The following APOA2 variants were observed in gnomAD, a reference collection of about 807,000 sequenced individuals.
APOA2 encodes the protein apolipoprotein A-II.
Under a neutral mutation model 7.4 loss-of-function variants are expected in APOA2, and 3 were observed. That is an observed-to-expected ratio of 0.41 (90% CI 0.18 to 1.05). The LOEUF (loss-of-function observed/expected upper bound fraction) is 1.05, where lower values mean the gene tolerates loss of function less well. APOA2 is among the 50% of genes least tolerant of loss of function. APOA2 has a pLI of 0.33. For missense variants in APOA2, 90 were observed against 116.3 expected (o/e 0.77, Z 1.04); for synonymous variants, 42 against 47.8 (o/e 0.88, Z 0.50).
intron 3 of APOA2, among the ~76,000 whole-genome samples, 197 bp downstream of exon 3, chr1:161,222,721 C>G (rs5085): frequency 0.16 from 24,999 of 152,150 alleles, 2,264 homozygotes; most frequent in East Asian, 0.3. Flanking sequence ...GACTGAAATT[C>G]AAGGCCCAGT....
Position 161,223,065 on chromosome 1 carries a change from ACACACACACAC to A in APOA2, c.53-26_53-16del. ...AACCAAAGCTCCTGCCCACACACAC[ACACACACACAC>A]ACACACACACACACACACTCTTTTC... On this transcript the variant is annotated splice_polypyrimidine_tract_variant and intron_variant, in intron 2 of 3. Transcript: ENST00000367990. 1.7e-6 allele frequency: 1 copy of A among 592,422 alleles called. No individual in the cohort carries two copies. Among genetic ancestry groups the A allele is most frequent in the Non-Finnish European group, 2.3e-6 (1 of 426,292 alleles). 36.7% of individuals were successfully genotyped at this position (592,422 alleles called of 1,614,324 possible).
chr1:161,223,198 A>T (rs1249211533), intron 2 of APOA2, 148 bp from the exon 3 acceptor site: 3 of 1,558,474 alleles, frequency 1.9e-6, no homozygotes, highest in Non-Finnish European at 2.6e-6. Flanking sequence ...ATCCAGCCAG[A>T]TCTTTGGATG....
rs146224429 is a variant in APOA2 at position 161,222,925 on chromosome 1, C to A, written c.178G>T (p.Glu60Ter). Residue 60 changes from glutamate (E) to a stop codon, truncating the protein, a stop_gained, in exon 3 of 4, where the codon GAG becomes TAG. Transcript: ENST00000367990. LOFTEE classifies it low-confidence loss of function (END_TRUNC). The stretch of plus-strand genomic sequence containing the variant: ...CCTTGCCCTGAGACTTACTTGGCCT[C>A]GGCCTGAAGCTCTGGGCTCTTGACC... The part of the protein sequence containing the change: ...EKVKSPELQA[E>*]AKSYFEKSKE... The A allele has an allele frequency of 6.2e-7, 1 of 1,614,086 alleles. No homozygotes were observed. Among genetic ancestry groups the A allele is most frequent in the South Asian group, 1.1e-5 (1 of 91,090 alleles).
Position 161,222,827 on chromosome 1 carries a change from C to T in APOA2, c.185+91G>A, listed in dbSNP as rs968739397. The T allele has an allele frequency of 5.0e-6, 8 of 1,597,666 alleles. No individual in the cohort carries two copies. The African/African-American group carries it at 5.4e-5, about 11-fold the overall frequency. On this transcript the variant is annotated intron_variant, in intron 3 of 3. Transcript: ENST00000367990. ...TAAGCCTAATCTGCCCTAATCCCCACCCCTGGGTTCAGACTTCTGTGGGAC... is the reference window on the plus strand; with the variant it reads ...TAAGCCTAATCTGCCCTAATCCCCATCCCTGGGTTCAGACTTCTGTGGGAC...
chr1:161,223,093 ACT>A (rs57498167), intron 2 of APOA2, 43 bp from the exon 3 acceptor site: 3 of 1,379,058 alleles, frequency 2.2e-6, no homozygotes, highest in African/African-American at 3.2e-5. Flanking sequence ...ACACACACAC[ACT>A]CTTTTCAGCT....
At position 161,222,531 on chromosome 1, in the gene APOA2, G is replaced by C. The variant is rs775553389; in HGVS notation, c.186-9C>G. On this transcript the variant is annotated splice_polypyrimidine_tract_variant and intron_variant, in intron 3 of 3. Coordinates refer to ENST00000367990, the MANE Select transcript of APOA2 (RefSeq NM_001643.2). ...ACTTTTCAAAGTAAGACCTGGATAG[G>C]TGAGGGGATTAGAGTTTAATCTGAG... is the stretch of plus-strand genomic sequence containing the variant. 6.2e-7 allele frequency: 1 copy of C among 1,610,186 alleles called. No homozygotes were observed. Among genetic ancestry groups the C allele is most frequent in the South Asian group, 1.1e-5 (1 of 91,020 alleles).
At position 161,223,179 on chromosome 1, in the gene APOA2, C is replaced by T. The variant is rs189880241; in HGVS notation, c.53-129G>A. On this transcript the variant is annotated intron_variant, in intron 2 of 3. Transcript: ENST00000367990. ...CCACCCCAGCTCTCTGCCCCCTCCCCAAAAAGGTATCCAGCCAGATCTTTG... is the reference window on the plus strand; with the variant it reads ...CCACCCCAGCTCTCTGCCCCCTCCCTAAAAAGGTATCCAGCCAGATCTTTG... 1,594 of 1,564,642 alleles carry T rather than the reference C, an allele frequency of 1.0e-3. 9 individuals carry two copies. The highest frequency in any genetic ancestry group is 6.6e-4 in the Non-Finnish European group (767 of 1,153,456).
At chr1:161,223,253 T>G (rs1304752543) in intron 2 of APOA2, 97 bp downstream of exon 2, 1 of 1,573,968 alleles carries the variant, frequency 6.4e-7, no homozygotes, top group Admixed American at 1.8e-5. Flanking sequence ...TTTTGAGCCC[T>G]TTGGTTGCCA....
chr1:161,223,140 A>T, intron 2 of APOA2, 90 bp from the exon 3 acceptor site: 1 of 1,596,662 alleles, frequency 6.3e-7, no homozygotes, highest in South Asian at 1.1e-5. Context: ...CTCCTGCCAT[A>T]CCTCTGCCAG....
rs1666209011 is a variant in APOA2 at position 161,223,413 on chromosome 1, TG to T, written c.-13del. On this transcript the variant is annotated 5_prime_UTR_variant, in exon 2 of 4. Coordinates refer to ENST00000367990, the MANE Select transcript of APOA2 (RefSeq NM_001643.2). Reference sequence around the variant, plus strand: ...GCGAGCAGCTTCATGTTGGTAACAGTGGGGAGGGCGGCCTAGGAAGAGGGTG... The same window carrying T: ...GCGAGCAGCTTCATGTTGGTAACAGTGGGAGGGCGGCCTAGGAAGAGGGTG... 2.5e-6 allele frequency: 4 copies of T among 1,612,464 alleles called. No homozygotes were observed. The East Asian group carries it at 8.9e-5, about 36-fold the overall frequency.
Position 161,222,897 on chromosome 1 carries a change from AC to A in APOA2, c.185+20del. On this transcript the variant is annotated intron_variant, in intron 3 of 3. Transcript: ENST00000367990. ...CTCTCCACAGTTCCACAGCCCCTGA[AC>A]CCCTTGCCCTGAGACTTACTTGGCC... 1 of 1,611,780 alleles carries A rather than the reference AC, an allele frequency of 6.2e-7. No individual in the cohort carries two copies. The highest frequency in any genetic ancestry group is 8.5e-7 in the Non-Finnish European group (1 of 1,179,470).
rs764889371 is a variant in APOA2, at chr1:161,223,393, C to A, written c.9G>T (p.Leu3=). 1.9e-6 allele frequency: 3 copies of A among 1,613,692 alleles called. No individual in the cohort carries two copies. Among genetic ancestry groups the A allele is most frequent in the East Asian group, 4.5e-5 (2 of 44,880 alleles). MK[L]LAATVLLLTI... ...TGAGGAGTAGCACAGTTGCTGCGAG[C>A]AGCTTCATGTTGGTAACAGTGGGGA... The change falls in exon 2 of 4, where the codon CTG becomes CTT. Residue 3 remains leucine (L), a synonymous_variant. Coordinates refer to ENST00000367990, the MANE Select transcript of APOA2 (RefSeq NM_001643.2).
rs778751126 is a variant in APOA2, at chr1:161,222,460, A to T, written c.248T>A (p.Leu83Gln). Residue 83 changes from leucine (L) to glutamine (Q), a missense_variant, in exon 4 of 4, where the codon CTG becomes CAG. Coordinates refer to ENST00000367990, the MANE Select transcript of APOA2 (RefSeq NM_001643.2). ...TPLIKKAGTE[L>Q]VNFLSYFVEL... is the part of the protein sequence containing the mutation. ...CACGAAATAGCTCAAGAAGTTAACC[A>T]GTTCCGTTCCAGCCTTCTTGATCAG... 18 of 1,614,214 alleles carry T rather than the reference A, an allele frequency of 1.1e-5. No individual in the cohort carries two copies. Among genetic ancestry groups the T allele is most frequent in the Non-Finnish European group, 1.4e-5 (17 of 1,180,040 alleles).
intron 2 of APOA2, 150 bp from the exon 3 acceptor site, chr1:161,223,200 C>T: frequency 6.4e-7 from 1 of 1,557,028 alleles, no homozygotes; most frequent in Non-Finnish European, 8.7e-7. Flanking sequence ...CCAGCCAGAT[C>T]TTTGGATGGG....
chr1:161,223,540 A>G (rs968842520), intron 1 of APOA2, 55 bp downstream of exon 1: 10 of 823,880 alleles, frequency 1.2e-5, no homozygotes, highest in African/African-American at 6.8e-5. Flanking sequence ...CCTCTCCACA[A>G]CTGAAGCCCA....
rs11549092 is a variant in APOA2, at chr1:161,223,362, A to G, written c.40T>C (p.Cys14Arg). 6.2e-7 allele frequency: 1 copy of G among 1,614,012 alleles called. No individual in the cohort carries two copies. Among genetic ancestry groups the G allele is most frequent in the Non-Finnish European group, 8.5e-7 (1 of 1,179,968 alleles). ...LAATVLLLTICSLEGALVRRQ... is the reference protein window; with the variant it reads ...LAATVLLLTIRSLEGALVRRQ... ...ATATCACACCCACCTTCAAGGCTGC[A>G]GATGGTGAGGAGTAGCACAGTTGCT... Residue 14 changes from cysteine to arginine, a missense_variant, in exon 2 of 4, where the codon TGC (cysteine) becomes CGC (arginine). Physicochemically the swap from Cys to Arg is radical, Grantham distance 180. Transcript: ENST00000367990.
At chr1:161,222,643 T>A in intron 3 of APOA2, 121 bp from the exon 4 acceptor site, 2 of 992,850 alleles carry the variant, frequency 2.0e-6, no homozygotes, top group Non-Finnish European at 3.2e-6. Context: ...GCCTGGTCCA[T>A]CGCATGGCAA....
intron 1 of APOA2, 57 bp from the exon 2 acceptor site, chr1:161,223,482 C>T: frequency 7.0e-7 from 1 of 1,421,884 alleles, no homozygotes; most frequent in Non-Finnish European, 9.8e-7. Flanking sequence ...GCTTCAGCTC[C>T]TCCCCAGGGA....
rs1803091 is a variant in APOA2, at chr1:161,222,490, G to A, written c.218C>T (p.Thr73Ile). 2.4e-5 allele frequency: 39 copies of A among 1,614,116 alleles called. No homozygotes were observed. The highest frequency in any genetic ancestry group is 3.2e-5 in the Non-Finnish European group (38 of 1,180,048). Reference protein sequence around the residue: ...SYFEKSKEQLTPLIKKAGTEL... With the variant: ...SYFEKSKEQLIPLIKKAGTEL... Reference sequence around the variant, plus strand: ...CGTTCCAGCCTTCTTGATCAGGGGTGTCAGCTGCTCCTTTGACTTTTCAAA... The same window carrying A: ...CGTTCCAGCCTTCTTGATCAGGGGTATCAGCTGCTCCTTTGACTTTTCAAA... The change falls in exon 4 of 4, where the codon ACA (threonine) becomes ATA (isoleucine). Residue 73 changes from threonine to isoleucine, a missense_variant. Thr to Ile is a moderately conservative substitution (Grantham distance 89). Coordinates refer to ENST00000367990, the MANE Select transcript of APOA2 (RefSeq NM_001643.2).
Sources: allele counts gnomAD v4.1 joint callset (sites outside exome capture counted in the v4.1 genomes callset), GRCh38; gene constraint gnomAD v4.1.1; transcripts MANE v1.5; gene names NCBI Gene and HGNC (gene_info 2026-07-23, HGNC 2026-07-21).